The following UNC13C variants were observed in gnomAD, a reference collection of about 807,000 sequenced individuals.
UNC13C encodes protein unc-13 homolog C.
A neutral mutation model predicts 245.4 loss-of-function variants in UNC13C; 174 were observed. The observed-to-expected ratio is 0.71, with a 90% CI of 0.63 to 0.80. UNC13C has a LOEUF of 0.80. Ranked by LOEUF, UNC13C falls within the 30% of genes least tolerant of loss-of-function variation. The probability of loss-of-function intolerance (pLI) is 0.00; values close to 1 mark genes in which losing one functional copy is unlikely to be tolerated. For missense variants in UNC13C, 2,829 were observed against 2,602.9 expected, an observed-to-expected ratio of 1.09 and a Z score of -1.89; for synonymous variants, 992 against 895.1, an observed-to-expected ratio of 1.11 and a Z score of -1.93.
At chr15:54,274,747 A>G (rs1056907273) in intron 10 of UNC13C, among the ~76,000 whole-genome samples, 2 of 138,720 alleles carry the variant, frequency 1.4e-5, no homozygotes, top group African/African-American at 5.5e-5. Flanking sequence ...TCTCGGCTCA[A>G]TGCAAGCTCC....
intron 2 of UNC13C, among the ~76,000 whole-genome samples, chr15:54,130,507 T>C (rs2031347675): frequency 6.6e-6 from 1 of 152,070 alleles, no homozygotes; most frequent in Non-Finnish European, 1.5e-5. Context: ...TTAGCCAGGA[T>C]GGTCTCTATC....
chr15:54,411,642 G>C (rs919040480), intron 18 of UNC13C, among the ~76,000 whole-genome samples: 1 of 152,110 alleles, frequency 6.6e-6, no homozygotes, highest in African/African-American at 2.4e-5. Context: ...TTGAAAATTA[G>C]CCACTCTTGT....
chr15:54,626,822 AC>A lies in UNC13C; in HGVS notation c.6360-5del. ...TGCTCAAAATTTGTATTTTTAATCCACACAGCATTCTCGGAAAGGAAAATCG... is the reference window on the plus strand; with the variant it reads ...TGCTCAAAATTTGTATTTTTAATCCAACAGCATTCTCGGAAAGGAAAATCG... On this transcript the variant is annotated splice_polypyrimidine_tract_variant and splice_region_variant and intron_variant, in intron 32 of 32. Transcript: ENST00000260323. 1 of 1,609,548 alleles carries A rather than the reference AC, an allele frequency of 6.2e-7. No homozygotes were observed. The highest frequency in any genetic ancestry group is 1.1e-5 in the South Asian group (1 of 90,822).
chr15:53,979,553 G>A (rs1166605889), intron 1 of UNC13C, among the ~76,000 whole-genome samples: 1 of 152,110 alleles, frequency 6.6e-6, no homozygotes, highest in Non-Finnish European at 1.5e-5. Context: ...AATCCCTTTG[G>A]TCCAACAGCA....
chr15:54,576,792 A>C (rs553422483), intron 30 of UNC13C, among the ~76,000 whole-genome samples: 1 of 152,288 alleles, frequency 6.6e-6, no homozygotes, highest in South Asian at 2.1e-4. Context: ...TGTGATTGAT[A>C]ATTGGCAACC....
intron 4 of UNC13C, among the ~76,000 whole-genome samples, chr15:54,146,740 G>C (rs2141243472): frequency 6.6e-6 from 1 of 152,304 alleles, no homozygotes; most frequent in Admixed American, 6.5e-5. Context: ...GAGTCATACA[G>C]AAAGCACACA....
rs1596471989 is a variant in UNC13C at position 54,491,871 on chromosome 15, G to A, written c.4934-2737G>A. Among the ~76,000 whole-genome samples the A allele has an allele frequency of 2.0e-5, 3 of 151,964 alleles. No homozygotes were observed. The South Asian group carries it at 6.2e-4, about 32-fold the overall frequency. On this transcript the variant is annotated intron_variant, in intron 19 of 32. Transcript: ENST00000260323. The stretch of plus-strand genomic sequence containing the variant: ...CGGGCGTGGTAGCGGGCGCCTGTAA[G>A]TCCCAGCTATTCGGAGAGGCTGAGG...
intron 1 of UNC13C, among the ~76,000 whole-genome samples, chr15:53,999,376 TTGATA>T (rs1380704557): frequency 1.3e-5 from 2 of 151,884 alleles, no homozygotes; most frequent in Non-Finnish European, 2.9e-5. Flanking sequence ...TTTGAAGGAA[TTGATA>T]TATTTTATCC....
intron 17 of UNC13C, among the ~76,000 whole-genome samples, chr15:54,344,947 C>A (rs1028936636): frequency 5.3e-5 from 7 of 133,222 alleles, no homozygotes; most frequent in African/African-American, 2.0e-4. Context: ...AACAGAGCAG[C>A]CAGAATTATT....
the UNC13C span, among the ~76,000 whole-genome samples, chr15:53,922,530 C>A: frequency 6.6e-6 from 1 of 152,168 alleles, no homozygotes; most frequent in Admixed American, 6.5e-5. Flanking sequence ...TTCGTACTTA[C>A]CTCCATTCTT....
the UNC13C span, among the ~76,000 whole-genome samples, chr15:53,853,755 C>A: frequency 6.6e-6 from 1 of 152,128 alleles, no homozygotes; most frequent in Non-Finnish European, 1.5e-5. Context: ...TGATGATGAG[C>A]CTTTTTTCAT....
intron 19 of UNC13C, among the ~76,000 whole-genome samples, chr15:54,432,668 C>T (rs2040895733): frequency 6.6e-6 from 1 of 151,786 alleles, no homozygotes; most frequent in Non-Finnish European, 1.5e-5. Flanking sequence ...AATCGACACC[C>T]TAACATCACA....
At chr15:54,144,077 C>T (rs1209041292) in intron 4 of UNC13C, among the ~76,000 whole-genome samples, 1 of 152,060 alleles carries the variant, frequency 6.6e-6, no homozygotes, top group Non-Finnish European at 1.5e-5. Context: ...GTCAACAACT[C>T]AATGAATATA....
intron 4 of UNC13C, among the ~76,000 whole-genome samples, chr15:54,159,059 C>A (rs1405515794): frequency 6.6e-6 from 1 of 152,160 alleles, no homozygotes; most frequent in Non-Finnish European, 1.5e-5. Context: ...GGGGGGCCCA[C>A]TTTTCATTGG....
At chr15:54,113,233 G>A (rs1038624853) in intron 2 of UNC13C, among the ~76,000 whole-genome samples, 17 of 152,048 alleles carry the variant, frequency 1.1e-4, no homozygotes, top group Admixed American at 5.2e-4. Flanking sequence ...AAGGAGGGAG[G>A]GAAGGAGAGA....
chr15:53,868,047 C>A, the UNC13C span, among the ~76,000 whole-genome samples: 1 of 152,152 alleles, frequency 6.6e-6, no homozygotes, highest in East Asian at 1.9e-4. Context: ...GTTGCCCAGA[C>A]TGGTCTTGAA....
intron 17 of UNC13C, among the ~76,000 whole-genome samples, chr15:54,377,906 C>T (rs1274066326): frequency 6.6e-6 from 1 of 152,150 alleles, no homozygotes; most frequent in Non-Finnish European, 1.5e-5. Context: ...TTATGGATTA[C>T]ATTTTCATAT....
At chr15:54,328,878 A>G (rs895552817) in intron 14 of UNC13C, among the ~76,000 whole-genome samples, 1 of 152,122 alleles carries the variant, frequency 6.6e-6, no homozygotes. Flanking sequence ...CTAAAATTCA[A>G]ATTTCCACAT....
At chr15:54,437,394 A>T (rs73419641) in intron 19 of UNC13C, among the ~76,000 whole-genome samples, 11,885 of 152,030 alleles carry the variant, frequency 0.078, 532 homozygotes, top group African/African-American at 0.12. Context: ...TCTAAAATTT[A>T]TAAAACTTGT....
Sources: gnomAD v4.1 joint callset for allele counts (sites outside exome capture counted in the v4.1 genomes callset) on GRCh38, gnomAD v4.1.1 for gene constraint, MANE v1.5 for transcripts, NCBI Gene and HGNC (gene_info 2026-07-23, HGNC 2026-07-21) for gene names.